Variants in NCOA2 observed in about 807,000 individuals in gnomAD.
NCOA2 encodes the protein class E basic helix-loop-helix protein 75.
NCOA2 carries 21 observed loss-of-function variants against 145.1 expected under a neutral mutation model. That is an observed-to-expected ratio of 0.14 (90% confidence interval 0.10 to 0.21). The LOEUF (loss-of-function observed/expected upper bound fraction) is 0.21, where lower values mean the gene tolerates loss of function less well. Ranked by LOEUF, NCOA2 falls within the 10% of genes least tolerant of loss-of-function variation. The pLI is 1.00. For synonymous variants in NCOA2, 619 were observed against 637.5 expected (o/e 0.97, Z 0.44); for missense variants, 1,472 against 1,837.6 (o/e 0.80, Z 3.64).
chr8:70,272,537 C>G (rs1163383374), intron 2 of NCOA2, among the ~76,000 whole-genome samples: 1 of 152,066 alleles, frequency 6.6e-6, no homozygotes, highest in Non-Finnish European at 1.5e-5. Context: ...CCACAGCAGT[C>G]TCTTAACTGA....
chr8:70,358,453 A>G (rs900495949), intron 1 of NCOA2, among the ~76,000 whole-genome samples: 1 of 152,242 alleles, frequency 6.6e-6, no homozygotes, highest in Admixed American at 6.5e-5. Flanking sequence ...GTCCAGAAAT[A>G]CATTATCTAT....
At chr8:70,235,513 T>C (rs1343928314) in intron 2 of NCOA2, among the ~76,000 whole-genome samples, 1 of 152,140 alleles carries the variant, frequency 6.6e-6, no homozygotes, top group Non-Finnish European at 1.5e-5. Flanking sequence ...TCCAGACCCA[T>C]CAGATCAGAA....
intron 1 of NCOA2, among the ~76,000 whole-genome samples, chr8:70,362,174 G>GT (rs746676606): frequency 3.9e-5 from 6 of 152,136 alleles, no homozygotes; most frequent in Non-Finnish European, 8.8e-5. Flanking sequence ...AGGAAAATAT[G>GT]TGTTTATGTG....
chr8:70,368,553 ATC>A lies in NCOA2; in HGVS notation c.-77+35145_-77+35146del, dbSNP rs1227840477. ...GCTACTGAGACCAAAGTAACTCGTTATCTATATCAATGAAATTCACCAACTCT... is the reference window on the plus strand; with the variant it reads ...GCTACTGAGACCAAAGTAACTCGTTATATATCAATGAAATTCACCAACTCT... On this transcript the variant is annotated intron_variant, in intron 1 of 22. Coordinates refer to ENST00000452400, the MANE Select transcript of NCOA2 (RefSeq NM_006540.4). 2.6e-5 allele frequency among the ~76,000 whole-genome samples: 4 copies of A among 152,238 alleles called. No individual in the cohort carries two copies. In the East Asian group the frequency reaches 7.7e-4, roughly 29 times the overall value.
chr8:70,121,992 C>T (rs1053866032), intron 21 of NCOA2, among the ~76,000 whole-genome samples: 1 of 152,168 alleles, frequency 6.6e-6, no homozygotes, highest in African/African-American at 2.4e-5. Flanking sequence ...CCATGGGATT[C>T]AAATGGTTTA....
chr8:70,185,974 A>G (rs1816025452), intron 4 of NCOA2, among the ~76,000 whole-genome samples: 1 of 151,644 alleles, frequency 6.6e-6, no homozygotes, highest in Admixed American at 6.6e-5. Flanking sequence ...CCTGGTTCAC[A>G]GGATTTTTTT....
At chr8:70,204,932 C>T (rs1278816242) in intron 4 of NCOA2, among the ~76,000 whole-genome samples, 1 of 152,126 alleles carries the variant, frequency 6.6e-6, no homozygotes, top group African/African-American at 2.4e-5. Context: ...CGCTTGAACC[C>T]GGGAGGCAGA....
chr8:70,360,732 G>A lies in NCOA2; in HGVS notation c.-77+42968C>T, dbSNP rs550704462. Among the ~76,000 whole-genome samples the A allele has an allele frequency of 2.6e-5, 4 of 152,140 alleles. No individual in the cohort carries two copies. In the East Asian group the frequency reaches 5.8e-4, roughly 22 times the overall value. On this transcript the variant is annotated intron_variant, in intron 1 of 22. Coordinates refer to ENST00000452400, the MANE Select transcript of NCOA2 (RefSeq NM_006540.4). ...GTGGGCAGATCACCTGAGGTCAGCAGTTAGAGACCAGCCTGGCCAACATGG... is the reference window on the plus strand; with the variant it reads ...GTGGGCAGATCACCTGAGGTCAGCAATTAGAGACCAGCCTGGCCAACATGG...
intron 2 of NCOA2, among the ~76,000 whole-genome samples, chr8:70,246,382 G>A (rs184985089): frequency 4.6e-5 from 7 of 152,214 alleles, no homozygotes; most frequent in South Asian, 2.1e-4. Context: ...AAGGAACTAC[G>A]CTCAAGTGCA....
chr8:70,224,663 T>C (rs1001377489), intron 2 of NCOA2, among the ~76,000 whole-genome samples: 3 of 152,166 alleles, frequency 2.0e-5, no homozygotes, highest in South Asian at 2.1e-4. Context: ...ATGTGTCCTA[T>C]ACACCCATTT....
At chr8:70,349,290 T>A (rs2136643674) in intron 1 of NCOA2, among the ~76,000 whole-genome samples, 1 of 152,040 alleles carries the variant, frequency 6.6e-6, no homozygotes, top group Middle Eastern at 3.4e-3. Flanking sequence ...TAAAAAAAAA[T>A]TATGAACAAC....
chr8:70,273,627 C>G (rs899817549), intron 2 of NCOA2: 12 of 737,694 alleles, frequency 1.6e-5, no homozygotes, highest in Non-Finnish European at 2.9e-5. Flanking sequence ...TTCACCATTA[C>G]AGGCTATACT....
intron 2 of NCOA2, among the ~76,000 whole-genome samples, chr8:70,288,237 A>G (rs2135584604): frequency 6.6e-6 from 1 of 152,268 alleles, no homozygotes; most frequent in African/African-American, 2.4e-5. Context: ...AGAATTTTTT[A>G]TTCACTATGA....
At chr8:70,183,709 G>A (rs573153538) in intron 4 of NCOA2, among the ~76,000 whole-genome samples, 5 of 152,278 alleles carry the variant, frequency 3.3e-5, no homozygotes, top group South Asian at 2.1e-4. Context: ...TCATGTCAAC[G>A]AAGTTAGGCC....
At chr8:70,235,695 T>C (rs1821535048) in intron 2 of NCOA2, among the ~76,000 whole-genome samples, 1 of 151,954 alleles carries the variant, frequency 6.6e-6, no homozygotes, top group African/African-American at 2.4e-5. Context: ...AGATCAAAAA[T>C]TAGCTGGGCA....
chr8:70,396,290 T>G (rs987454578), intron 1 of NCOA2, among the ~76,000 whole-genome samples: 5 of 152,238 alleles, frequency 3.3e-5, no homozygotes, highest in African/African-American at 1.2e-4. Context: ...GTTCTACCTA[T>G]CCCCCACAAT....
At chr8:70,358,288 G>C (rs1338062350) in intron 1 of NCOA2, among the ~76,000 whole-genome samples, 6 of 152,022 alleles carry the variant, frequency 3.9e-5, no homozygotes. Context: ...GAAAATATAA[G>C]AGGCCCTGAA....
intron 2 of NCOA2, among the ~76,000 whole-genome samples, chr8:70,238,182 A>G (rs1052978150): frequency 3.9e-5 from 6 of 152,172 alleles, no homozygotes; most frequent in Non-Finnish European, 8.8e-5. Context: ...GTTTTAAACT[A>G]CTTAGGAAGA....
intron 1 of NCOA2, among the ~76,000 whole-genome samples, chr8:70,366,706 G>C (rs1052521780): frequency 7.7e-6 from 1 of 129,178 alleles, no homozygotes; most frequent in Non-Finnish European, 1.7e-5. Flanking sequence ...AAACAAGCAA[G>C]AAAACCATTG....
Sources: allele counts gnomAD v4.1 joint callset (sites outside exome capture counted in the v4.1 genomes callset), GRCh38; gene constraint gnomAD v4.1.1; transcripts MANE v1.5; gene names NCBI Gene and HGNC (gene_info 2026-07-23, HGNC 2026-07-21).